MAGI2: variants seen among roughly 807,000 people sequenced by gnomAD.
MAGI2 encodes the protein membrane associated guanylate kinase, WW and PDZ domain containing 2.
A neutral mutation model predicts 133.3 loss-of-function variants in MAGI2; 35 were observed. That is an observed-to-expected ratio of 0.26 (90% CI 0.20 to 0.35). The LOEUF is 0.35. Among genes scored for constraint, MAGI2 ranks in the 10% least tolerant of loss-of-function variants. The pLI, the probability that MAGI2 is intolerant of heterozygous loss-of-function variation, is 1.00. For synonymous variants in MAGI2, 729 were observed against 710.6 expected (o/e 1.03, Z -0.41); for missense variants, 1,636 against 1,863.4 (o/e 0.88, Z 2.25).
intron 1 of MAGI2, among the ~76,000 whole-genome samples, chr7:79,099,738 G>T (rs1461685691): frequency 3.3e-5 from 5 of 152,052 alleles, no homozygotes; most frequent in African/African-American, 1.2e-4. Context: ...TTGCTTTCCT[G>T]TTCCCGTGTT....
intron 3 of MAGI2, among the ~76,000 whole-genome samples, chr7:78,599,200 C>T (rs1224026598): frequency 6.6e-6 from 1 of 152,044 alleles, no homozygotes; most frequent in Non-Finnish European, 1.5e-5. Context: ...CCATTCCATA[C>T]ACACACACAA....
chr7:78,742,963 A>G (rs1215320143), intron 2 of MAGI2, among the ~76,000 whole-genome samples: 3 of 152,202 alleles, frequency 2.0e-5, no homozygotes, highest in African/African-American at 7.2e-5. Flanking sequence ...GCAGACAAAG[A>G]GATTCTCAGC....
rs139512933 is a variant in MAGI2 at position 79,399,689 on chromosome 7, A to G, written c.301+53331T>C. Among the ~76,000 whole-genome samples, 22 of 152,218 alleles carry G rather than the reference A, an allele frequency of 1.4e-4. No homozygotes were observed. In the East Asian group the frequency reaches 3.1e-3, roughly 21 times the overall value. On this transcript the variant is annotated intron_variant, in intron 1 of 21. Coordinates refer to ENST00000354212, the MANE Select transcript of MAGI2 (RefSeq NM_012301.4). The stretch of plus-strand genomic sequence containing the variant: ...TTAAGAACTCTGAATTATTTAAAGG[A>G]CCCTAATTCTTGACTGCTGAAACTG...
intron 4 of MAGI2, among the ~76,000 whole-genome samples, chr7:78,511,746 C>G (rs970780903): frequency 1.3e-5 from 2 of 149,778 alleles, no homozygotes; most frequent in Non-Finnish European, 3.0e-5. Context: ...CAGTTTTTGA[C>G]TCTTCGTGCT....
At chr7:78,720,615 G>A (rs1283072576) in intron 2 of MAGI2, among the ~76,000 whole-genome samples, 1 of 151,814 alleles carries the variant, frequency 6.6e-6, no homozygotes, top group African/African-American at 2.4e-5. Flanking sequence ...TTGTGGTACA[G>A]GACACCACCA....
At chr7:79,313,140 AT>A (rs58086811) in intron 1 of MAGI2, among the ~76,000 whole-genome samples, 27,388 of 152,034 alleles carry the variant, frequency 0.18, 2,871 homozygotes, top group East Asian at 0.35. Context: ...CACAGAATAT[AT>A]TTGGGGCTTA....
chr7:78,442,389 T>C (rs1443691129), intron 6 of MAGI2, among the ~76,000 whole-genome samples: 4 of 152,208 alleles, frequency 2.6e-5, no homozygotes, highest in East Asian at 1.9e-4. Flanking sequence ...AAACTACCCA[T>C]ATACACTTCT....
At chr7:78,194,441 G>A (rs1367322240) in intron 12 of MAGI2, among the ~76,000 whole-genome samples, 14 of 151,986 alleles carry the variant, frequency 9.2e-5, no homozygotes, top group African/African-American at 3.1e-4. Context: ...GAGCTGGGAA[G>A]GCTTGGCTGA....
At chr7:78,540,715 C>G (rs974917500) in intron 3 of MAGI2, among the ~76,000 whole-genome samples, 3 of 152,174 alleles carry the variant, frequency 2.0e-5, no homozygotes, top group African/African-American at 7.2e-5. Flanking sequence ...CTAAGGAACC[C>G]TGAGAGATAA....
At chr7:78,909,778 T>C (rs1798270279) in intron 2 of MAGI2, among the ~76,000 whole-genome samples, 1 of 152,144 alleles carries the variant, frequency 6.6e-6, no homozygotes, top group South Asian at 2.1e-4. Context: ...AGTAATCCCA[T>C]TACTGGATGT....
chr7:78,504,402 T>C (rs28597728), intron 4 of MAGI2, among the ~76,000 whole-genome samples: 80,132 of 151,712 alleles, frequency 0.53, 21,649 homozygotes, highest in South Asian at 0.67. Flanking sequence ...CTGTCAAGGA[T>C]AAACAATGAG....
intron 1 of MAGI2, among the ~76,000 whole-genome samples, chr7:79,180,627 G>T (rs1184423375): frequency 2.0e-5 from 3 of 151,846 alleles, no homozygotes. Flanking sequence ...ACATAATTCT[G>T]CCCCAGCGCC....
intron 2 of MAGI2, among the ~76,000 whole-genome samples, chr7:78,950,156 T>C (rs1212278508): frequency 6.6e-6 from 1 of 152,164 alleles, no homozygotes; most frequent in Non-Finnish European, 1.5e-5. Flanking sequence ...CTCCTGGTCT[T>C]CCCCAGCTGG....
At chr7:79,308,360 G>A (rs73154978) in intron 1 of MAGI2, among the ~76,000 whole-genome samples, 2 of 115,140 alleles carry the variant, frequency 1.7e-5, no homozygotes, top group South Asian at 5.9e-4. Context: ...AAAACAGAAG[G>A]TGTATAGCTT....
At chr7:79,253,488 T>A (rs1833469644) in intron 1 of MAGI2, among the ~76,000 whole-genome samples, 1 of 151,856 alleles carries the variant, frequency 6.6e-6, no homozygotes, top group African/African-American at 2.4e-5. Context: ...ACTAAAAATA[T>A]AAAAATTAGC....
chr7:78,020,266 TC>T (rs1808247316), intron 21 of MAGI2, among the ~76,000 whole-genome samples: 2 of 152,112 alleles, frequency 1.3e-5, no homozygotes, highest in African/African-American at 4.8e-5. Context: ...CCTGCTAACT[TC>T]CGGGGGTGTT....
intron 1 of MAGI2, among the ~76,000 whole-genome samples, chr7:79,142,922 G>C (rs1211667727): frequency 1.3e-5 from 2 of 152,184 alleles, no homozygotes; most frequent in Non-Finnish European, 2.9e-5. Context: ...TCTTTGACAA[G>C]TGACACATGT....
intron 2 of MAGI2, among the ~76,000 whole-genome samples, chr7:78,949,349 A>G (rs1326241005): frequency 2.6e-5 from 4 of 152,256 alleles, no homozygotes; most frequent in African/African-American, 9.6e-5. Context: ...CAATGATACA[A>G]TTAATACCTG....
intron 2 of MAGI2, among the ~76,000 whole-genome samples, chr7:78,824,764 C>T (rs1790473544): frequency 6.6e-6 from 1 of 152,126 alleles, no homozygotes; most frequent in Non-Finnish European, 1.5e-5. Flanking sequence ...TGAGCAGAAG[C>T]TCTTTAGTTT....
Sources: allele counts gnomAD v4.1 joint callset (sites outside exome capture counted in the v4.1 genomes callset), GRCh38; gene constraint gnomAD v4.1.1; transcripts MANE v1.5; gene names NCBI Gene and HGNC (gene_info 2026-07-23, HGNC 2026-07-21).